ZC4H2: variants seen among roughly 807,000 people sequenced by gnomAD.
ZC4H2 encodes the protein zinc finger C4H2-type containing.
For synonymous variants in ZC4H2, 84 were observed against 66.3 expected, an observed-to-expected ratio of 1.27 and a Z score of -1.30; for missense variants, 137 against 173.9, an observed-to-expected ratio of 0.79 and a Z score of 1.19.
intron 1 of ZC4H2, among the ~76,000 whole-genome samples, chrX:65,018,695 C>T (rs1006463627): frequency 1.8e-5 from 2 of 110,348 alleles, no homozygotes; most frequent in Non-Finnish European, 3.8e-5. Flanking sequence ...ACCGTTCACT[C>T]CCCTGGAAAG....
chrX:65,022,048 A>C (rs1444548057), intron 1 of ZC4H2, among the ~76,000 whole-genome samples: 3 of 111,692 alleles, frequency 2.7e-5, no homozygotes, highest in African/African-American at 9.8e-5. Context: ...CCTAGCAACC[A>C]AAAAAAGTCC....
At chrX:64,965,753 T>A (rs1339430417) in intron 1 of ZC4H2, among the ~76,000 whole-genome samples, 1 of 109,304 alleles carries the variant, frequency 9.1e-6, no homozygotes, top group Non-Finnish European at 1.9e-5. Context: ...CTGGGTAACA[T>A]AGTGAGACCC....
intron 1 of ZC4H2, among the ~76,000 whole-genome samples, chrX:64,970,635 T>C (rs748551020): frequency 1.5e-4 from 17 of 111,407 alleles, no homozygotes; most frequent in Non-Finnish European, 2.1e-4. Context: ...GGTTGGGGTA[T>C]TGTAATTCAT....
At chrX:64,932,636 A>C (rs1399643952) in intron 1 of ZC4H2, among the ~76,000 whole-genome samples, 1 of 111,602 alleles carries the variant, frequency 9.0e-6, no homozygotes, top group Non-Finnish European at 1.9e-5. Context: ...GTTTTGCTAG[A>C]TAGAAAATTT....
intron 1 of ZC4H2, among the ~76,000 whole-genome samples, chrX:64,929,668 A>G (rs959698336): frequency 4.5e-5 from 5 of 111,553 alleles, no homozygotes; most frequent in African/African-American, 1.6e-4. Context: ...CAATACTTAC[A>G]GAAGGCCGTA....
intron 1 of ZC4H2, among the ~76,000 whole-genome samples, chrX:64,961,834 A>C (rs1351869132): frequency 9.0e-6 from 1 of 111,468 alleles, no homozygotes; most frequent in African/African-American, 3.3e-5. Flanking sequence ...ATAAATTCCT[A>C]TAAGCATACA....
At chrX:64,955,693 A>AT (rs921535332) in intron 1 of ZC4H2, among the ~76,000 whole-genome samples, 5 of 111,695 alleles carry the variant, frequency 4.5e-5, no homozygotes, top group African/African-American at 1.6e-4. Flanking sequence ...TTGTCTAACT[A>AT]TTTTTTTCCT....
intron 1 of ZC4H2, among the ~76,000 whole-genome samples, chrX:64,958,626 T>G (rs1357959404): frequency 9.0e-6 from 1 of 111,422 alleles, no homozygotes; most frequent in Non-Finnish European, 1.9e-5. Flanking sequence ...GCCTTGTACC[T>G]GTCTCAGTAA....
At chrX:64,943,504 T>A (rs749970729) in intron 1 of ZC4H2, among the ~76,000 whole-genome samples, 50 of 112,047 alleles carry the variant, frequency 4.5e-4, no homozygotes, top group Non-Finnish European at 8.8e-4. Context: ...GCTTTATGAA[T>A]CTTGGTGCTC....
At chrX:64,964,472 A>C (rs1292369231) in intron 1 of ZC4H2, among the ~76,000 whole-genome samples, 1 of 111,674 alleles carries the variant, frequency 9.0e-6, no homozygotes, top group Non-Finnish European at 1.9e-5. Flanking sequence ...ATGTTACACA[A>C]AGAGTATCAA....
intron 1 of ZC4H2, among the ~76,000 whole-genome samples, chrX:64,949,910 T>G (rs1010227224): frequency 8.9e-6 from 1 of 111,754 alleles, no homozygotes; most frequent in East Asian, 2.8e-4. Flanking sequence ...TGTTTGCTTT[T>G]GCTTCTCTAG....
intron 1 of ZC4H2, among the ~76,000 whole-genome samples, chrX:64,983,075 C>T (rs189779895): frequency 6.8e-4 from 76 of 111,317 alleles, no homozygotes; most frequent in African/African-American, 2.4e-3. Flanking sequence ...CCAGATAGCC[C>T]TTCCTTTCCT....
chrX:64,975,208 A>G (rs1931905319), intron 1 of ZC4H2, among the ~76,000 whole-genome samples: 1 of 109,945 alleles, frequency 9.1e-6, no homozygotes, highest in Non-Finnish European at 1.9e-5. Context: ...AAGTAGGTCA[A>G]AGGGCCTGGC....
chrX:64,920,820 A>G (rs1215039000), intron 2 of ZC4H2, among the ~76,000 whole-genome samples: 2 of 112,565 alleles, frequency 1.8e-5, no homozygotes, highest in Non-Finnish European at 3.7e-5. Context: ...TTCACCTCAG[A>G]CATACAAAAT....
intron 1 of ZC4H2, among the ~76,000 whole-genome samples, chrX:64,986,967 G>T (rs779113711): frequency 1.1e-5 from 1 of 87,400 alleles, no homozygotes; most frequent in Non-Finnish European, 2.1e-5. Flanking sequence ...TCACTCTGTC[G>T]CCCAGGCTGC....
At chrX:64,925,390 C>T (rs1028058349) in intron 1 of ZC4H2, among the ~76,000 whole-genome samples, 1 of 112,249 alleles carries the variant, frequency 8.9e-6, no homozygotes, top group East Asian at 2.8e-4. Flanking sequence ...AACAAATGTA[C>T]ACATGTAGTC....
At chrX:65,004,086 C>T (rs1210997661) in intron 1 of ZC4H2, among the ~76,000 whole-genome samples, 1 of 111,435 alleles carries the variant, frequency 9.0e-6, no homozygotes, top group African/African-American at 3.3e-5. Context: ...GAAATTGAGG[C>T]AGTAATTAAT....
chrX:64,928,670 T>C (rs184172520), intron 1 of ZC4H2, among the ~76,000 whole-genome samples: 2 of 97,802 alleles, frequency 2.0e-5, no homozygotes, highest in Non-Finnish European at 4.3e-5. Context: ...CTTCTTCTTC[T>C]TCTTCTTCTT....
chrX:64,919,897 C>A (rs1264990778), intron 3 of ZC4H2, 184 bp downstream of exon 3: 1 of 395,548 alleles, frequency 2.5e-6, no homozygotes, highest in Admixed American at 4.8e-5. Context: ...AACAAGCTGG[C>A]ACAGAGACTT....
Sources: gnomAD v4.1 joint callset for allele counts (sites outside exome capture counted in the v4.1 genomes callset) on GRCh38, gnomAD v4.1.1 for gene constraint, MANE v1.5 for transcripts, NCBI Gene and HGNC (gene_info 2026-07-23, HGNC 2026-07-21) for gene names.